APTX: variants seen among roughly 807,000 people sequenced by gnomAD.
The protein encoded by APTX is aprataxin, also known as forkhead-associated domain histidine triad-like protein.
Under a neutral mutation model 42.3 loss-of-function variants are expected in APTX, and 33 were observed. That is an observed-to-expected ratio of 0.78 (90% CI 0.59 to 1.04). The LOEUF (loss-of-function observed/expected upper bound fraction) is 1.04. Among genes scored for constraint, APTX ranks in the 50% least tolerant of loss-of-function variants. The pLI is 0.00. For synonymous variants in APTX, 130 were observed against 146.7 expected (o/e 0.89, Z 0.82); for missense variants, 421 against 415.1 (o/e 1.01, Z -0.12).
chr9:33,001,900 C>A (rs1836636504), upstream of APTX, among the ~76,000 whole-genome samples: 1 of 152,168 alleles, frequency 6.6e-6, no homozygotes, highest in African/African-American at 2.4e-5. Flanking sequence ...CCTCTGTGGA[C>A]GTTTCTAGGT....
At chr9:32,994,662 A>G (rs1396957344) in intron 1 of APTX, among the ~76,000 whole-genome samples, 1 of 152,210 alleles carries the variant, frequency 6.6e-6, no homozygotes, top group African/African-American at 2.4e-5. Context: ...AATTCTCACA[A>G]TATTTCAAAC....
At chr9:33,008,551 A>AT (rs34273971) in intron 1 of APTX, among the ~76,000 whole-genome samples, 36,527 of 135,034 alleles carry the variant, frequency 0.27, 5,240 homozygotes, top group Middle Eastern at 0.31. Flanking sequence ...TCTGATTAAG[A>AT]TTTTTTTTTT....
chr9:33,007,178 C>T (rs940893175), intron 1 of APTX, among the ~76,000 whole-genome samples: 5 of 152,022 alleles, frequency 3.3e-5, no homozygotes, highest in African/African-American at 1.2e-4. Context: ...GGCCCAATAG[C>T]AGGGCTTTTA....
chr9:33,007,356 T>C (rs371315558), intron 1 of APTX, among the ~76,000 whole-genome samples: 17 of 152,292 alleles, frequency 1.1e-4, no homozygotes, highest in African/African-American at 4.1e-4. Flanking sequence ...GGAAGTGACA[T>C]ATTTGATGTT....
chr9:32,987,555 G>T lies in APTX; in HGVS notation c.472C>A (p.Pro158Thr). The T allele has an allele frequency of 1.9e-6, 3 of 1,613,742 alleles. No individual in the cohort carries two copies. Among genetic ancestry groups the T allele is most frequent in the Non-Finnish European group, 2.5e-6 (3 of 1,180,022 alleles). ...SVPLKKGKDA[P>T]IKKESLGHWS... ...CACACTACCCTCACCTTTTTGATAG[G>T]TGCATCTTTTCCCTTCTTTAGGGGC... The change falls in exon 4 of 8, where the codon CCT becomes ACT. Residue 158 changes from proline to threonine, a missense_variant. Coordinates refer to ENST00000379817, the MANE Select transcript of APTX (RefSeq NM_001195248.2).
chr9:32,993,290 C>CG (rs1427942383), intron 1 of APTX, among the ~76,000 whole-genome samples: 1 of 152,196 alleles, frequency 6.6e-6, no homozygotes, highest in African/African-American at 2.4e-5. Flanking sequence ...TGTAACCAAC[C>CG]TTAAATAGTA....
intron 2 of APTX, among the ~76,000 whole-genome samples, chr9:32,989,412 T>C (rs1315095373): frequency 2.0e-5 from 3 of 152,198 alleles, no homozygotes; most frequent in Non-Finnish European, 2.9e-5. Context: ...ACCCCATTAC[T>C]TCTCAGAAAG....
intron 6 of APTX, among the ~76,000 whole-genome samples, chr9:32,982,175 C>A (rs1830833916): frequency 6.6e-6 from 1 of 152,034 alleles, no homozygotes; most frequent in Non-Finnish European, 1.5e-5. Flanking sequence ...TAACGTCAAC[C>A]TAATCATGAA....
At chr9:32,986,059 A>G (rs374663770) in intron 4 of APTX, 29 bp from the exon 5 acceptor site, 2 of 1,240,054 alleles carry the variant, frequency 1.6e-6, no homozygotes, top group Non-Finnish European at 2.3e-6. Context: ...AAAAAACAAA[A>G]AAAAAAAAAA....
chr9:33,006,842 T>C (rs922214574), intron 1 of APTX, among the ~76,000 whole-genome samples: 3 of 150,834 alleles, frequency 2.0e-5, no homozygotes, highest in Non-Finnish European at 4.4e-5. Flanking sequence ...CTACTAAAAA[T>C]ACAAAAAATT....
chr9:32,987,239 A>G (rs1411185705), intron 4 of APTX, among the ~76,000 whole-genome samples: 1 of 152,236 alleles, frequency 6.6e-6, no homozygotes, highest in African/African-American at 2.4e-5. Context: ...TGACATCAGC[A>G]TATGAATTAC....
At chr9:32,982,392 A>C (rs1012331850) in intron 6 of APTX, among the ~76,000 whole-genome samples, 1 of 152,196 alleles carries the variant, frequency 6.6e-6, no homozygotes, top group African/African-American at 2.4e-5. Flanking sequence ...AAATTCAAAT[A>C]AGGTCTACAG....
intron 1 of APTX, among the ~76,000 whole-genome samples, chr9:33,009,751 C>A (rs1311446589): frequency 6.6e-6 from 1 of 151,970 alleles, no homozygotes; most frequent in Admixed American, 6.6e-5. Context: ...TGCACTCCAG[C>A]CCTCCAGCCC....
chr9:33,006,766 C>T (rs948980322), intron 1 of APTX, among the ~76,000 whole-genome samples: 2 of 151,796 alleles, frequency 1.3e-5, no homozygotes, highest in East Asian at 1.9e-4. Context: ...TTTGGGAGGC[C>T]GAGGCAGGCG....
intron 1 of APTX, among the ~76,000 whole-genome samples, chr9:33,009,973 G>A (rs979615978): frequency 1.1e-4 from 16 of 151,928 alleles, no homozygotes; most frequent in African/African-American, 3.9e-4. Context: ...CTCTCTCCTC[G>A]CCTATTTGCC....
At position 33,017,721 on chromosome 9, in the gene APTX, G is replaced by A. The variant is rs10971325; in HGVS notation, c.-5+7302C>T. 7.1e-3 allele frequency among the ~76,000 whole-genome samples: 1,082 copies of A among 152,174 alleles called. 37 individuals are homozygous for A. The East Asian group carries it at 0.088, about 12-fold the overall frequency. On this transcript the variant is annotated intron_variant, in intron 1 of 6. Coordinates refer to the APTX transcript ENST00000436040. Reference sequence around the variant, plus strand: ...GATACGGACCTTCAAGGCCCTCTCCGGGAGCTCAATCCTTCCAACACCAAC... The same window carrying A: ...GATACGGACCTTCAAGGCCCTCTCCAGGAGCTCAATCCTTCCAACACCAAC...
intron 2 of APTX, 140 bp downstream of exon 2, chr9:32,989,619 T>C (rs1041698094): frequency 3.1e-6 from 4 of 1,285,112 alleles, no homozygotes; most frequent in South Asian, 1.2e-5. Context: ...GGCCCTGGTG[T>C]TGGCTAAAAG....
chr9:33,021,166 G>A (rs1838351295), intron 1 of APTX, among the ~76,000 whole-genome samples: 1 of 149,676 alleles, frequency 6.7e-6, no homozygotes, highest in African/African-American at 2.4e-5. Context: ...ATATCCCACT[G>A]AAATAAAATA....
At chr9:33,009,023 T>A (rs1463946570) in intron 1 of APTX, among the ~76,000 whole-genome samples, 1 of 152,228 alleles carries the variant, frequency 6.6e-6, no homozygotes, top group South Asian at 2.1e-4. Flanking sequence ...TTACCCTCTA[T>A]TATTTTCAAC....
Sources: allele counts gnomAD v4.1 joint callset (sites outside exome capture counted in the v4.1 genomes callset), GRCh38; gene constraint gnomAD v4.1.1; transcripts MANE v1.5; gene names NCBI Gene and HGNC (gene_info 2026-07-23, HGNC 2026-07-21).